The following RAPGEF2 variants were observed in gnomAD, a reference collection of about 807,000 sequenced individuals.
The protein encoded by RAPGEF2 is PDZ domain containing guanine nucleotide exchange factor (GEF) 1.
In RAPGEF2, 54 loss-of-function variants were observed where a neutral mutation model predicts 186.7. That is an observed-to-expected ratio of 0.29 (90% CI 0.23 to 0.36). The LOEUF is 0.36. Ranked by LOEUF, RAPGEF2 falls within the 10% of genes least tolerant of loss-of-function variation. RAPGEF2 has a pLI of 1.00. For synonymous variants in RAPGEF2, 712 were observed against 705.9 expected (o/e 1.01, Z -0.14); for missense variants, 1,532 against 2,045.0 (o/e 0.75, Z 4.84).
At chr4:159,160,713 C>G (rs1744619145) in intron 1 of RAPGEF2, among the ~76,000 whole-genome samples, 1 of 152,146 alleles carries the variant, frequency 6.6e-6, no homozygotes, top group African/African-American at 2.4e-5. Context: ...CTTAAAATAA[C>G]GACTCCAAAA....
chr4:159,210,650 T>TA (rs1338510136), intron 4 of RAPGEF2, 67 bp downstream of exon 4: 2 of 1,254,736 alleles, frequency 1.6e-6, no homozygotes, highest in African/African-American at 3.0e-5. Flanking sequence ...AATTCAGTTC[T>TA]AAAATTCTTT....
chr4:159,128,165 A>T (rs760021863), intron 1 of RAPGEF2, among the ~76,000 whole-genome samples: 5 of 152,196 alleles, frequency 3.3e-5, no homozygotes, highest in Non-Finnish European at 5.9e-5. Context: ...AAAATCCAAG[A>T]AGAAAAAATA....
chr4:159,338,529 G>C, intron 18 of RAPGEF2, 61 bp downstream of exon 18: 1 of 1,449,604 alleles, frequency 6.9e-7, no homozygotes, highest in Non-Finnish European at 9.5e-7. Flanking sequence ...CTAACATAAT[G>C]GTCATATTAT....
intron 1 of RAPGEF2, among the ~76,000 whole-genome samples, chr4:159,164,416 T>C (rs993496960): frequency 2.0e-5 from 3 of 151,592 alleles, no homozygotes; most frequent in Non-Finnish European, 4.4e-5. Flanking sequence ...AACGAAAATA[T>C]CTGTATTTTG....
Position 159,353,868 on chromosome 4 carries a change from A to G in RAPGEF2, c.4473A>G (p.Thr1491=). ...CCCGAGCAAGCTGGGCGTCTTCCAC[A>G]GGTTACTGGGGAGAAGACTCAGAAG... is the stretch of plus-strand genomic sequence containing the variant. The part of the protein sequence containing the change: ...AQSRASWASS[T]GYWGEDSEGD... The change falls in exon 28 of 30, where the codon ACA becomes ACG. Residue 1491 remains threonine (T), a synonymous_variant. Coordinates refer to ENST00000691494, the MANE Select transcript of RAPGEF2 (RefSeq NM_001394067.2). The surrounding 1 kb of genome is among the most constrained non-coding windows in gnomAD (Gnocchi z 4.3). 6.2e-7 allele frequency: 1 copy of G among 1,614,152 alleles called. No individual in the cohort carries two copies. Among genetic ancestry groups the G allele is most frequent in the Non-Finnish European group, 8.5e-7 (1 of 1,180,008 alleles).
chr4:159,212,073 G>A, intron 4 of RAPGEF2, among the ~76,000 whole-genome samples: 1 of 152,120 alleles, frequency 6.6e-6, no homozygotes, highest in Non-Finnish European at 1.5e-5. Context: ...AGTGGGTACA[G>A]TTATTACCTG....
chr4:159,341,642 A>G lies in RAPGEF2; in HGVS notation c.2613A>G (p.Gln871=). ...EDAQELLRES[Q]ISLLQLSTVE... ...CTCAGGAGTTGTTGAGAGAGAGTCA[A>G]ATTTCCCTCCTTCAGCTCAGCACTG... Residue 871 remains glutamine (Q), a synonymous_variant, in exon 20 of 30, where the codon CAA becomes CAG. Coordinates refer to ENST00000691494, the MANE Select transcript of RAPGEF2 (RefSeq NM_001394067.2). 3 of 1,613,922 alleles carry G rather than the reference A, an allele frequency of 1.9e-6. No homozygotes were observed. The highest frequency in any genetic ancestry group is 2.5e-6 in the Non-Finnish European group (3 of 1,179,902).
At chr4:159,352,138 T>C (rs1425249990) in intron 26 of RAPGEF2, among the ~76,000 whole-genome samples, 1 of 152,236 alleles carries the variant, frequency 6.6e-6, no homozygotes, top group Non-Finnish European at 1.5e-5. Flanking sequence ...GTTCAACCAA[T>C]ATTAATATTG....
chr4:159,259,370 G>A (rs1262331284), intron 7 of RAPGEF2, among the ~76,000 whole-genome samples: 1 of 152,200 alleles, frequency 6.6e-6, no homozygotes, highest in Non-Finnish European at 1.5e-5. Flanking sequence ...TGATGACTGA[G>A]CTATATTTGC....
Position 159,128,549 on chromosome 4 carries a change from A to AGT in RAPGEF2, c.69+24319_69+24320dup, listed in dbSNP as rs534152214. 8.5e-3 allele frequency among the ~76,000 whole-genome samples: 1,288 copies of AGT among 152,120 alleles called. 21 individuals are homozygous for AGT. The highest frequency in any genetic ancestry group is 0.029 in the African/African-American group (1,224 of 41,514). ...TTAATATTCTTAACATTTGGCTAGT[A>AGT]GTTTATTCACCCCTCTTTTTGGTGA... On this transcript the variant is annotated intron_variant, in intron 1 of 29. Transcript: ENST00000691494.
chr4:159,186,622 T>C lies in RAPGEF2; in HGVS notation c.70-20T>C, dbSNP rs1747580004. 1 of 1,325,126 alleles carries C rather than the reference T, an allele frequency of 7.5e-7. No homozygotes were observed. The highest frequency in any genetic ancestry group is 1.0e-6 in the Non-Finnish European group (1 of 985,930). The allele number at this position is 1,325,126 out of a possible 1,614,324, so 82.1% of individuals were successfully genotyped here. A position where few individuals can be genotyped will look rare whatever the true frequency, so the allele number is the denominator to read the frequency against. ...TTTTCCTGACAGGTCTAATAATTTC[T>C]ATTCTTTTCTTTGAAACAGGATCTG... On this transcript the variant is annotated intron_variant, in intron 1 of 29. Coordinates refer to ENST00000691494, the MANE Select transcript of RAPGEF2 (RefSeq NM_001394067.2).
intron 7 of RAPGEF2, among the ~76,000 whole-genome samples, chr4:159,257,711 G>A (rs1453711435): frequency 1.3e-5 from 2 of 152,134 alleles, no homozygotes; most frequent in Non-Finnish European, 2.9e-5. Context: ...CTTATGTCAG[G>A]TTTGTTGAAG....
chr4:159,350,134 T>C lies in RAPGEF2; in HGVS notation c.3713-3T>C, dbSNP rs775516835. On this transcript the variant is annotated splice_polypyrimidine_tract_variant and splice_region_variant and intron_variant, in intron 25 of 29. Coordinates refer to ENST00000691494, the MANE Select transcript of RAPGEF2 (RefSeq NM_001394067.2). ...ATTTAAGGTTTTTTTTTTTCCATTATAGGCATAAACTCTCCACAAGCTTTA... is the reference window on the plus strand; with the variant it reads ...ATTTAAGGTTTTTTTTTTTCCATTACAGGCATAAACTCTCCACAAGCTTTA... 1.3e-6 allele frequency: 2 copies of C among 1,500,906 alleles called. No homozygotes were observed. The highest frequency in any genetic ancestry group is 1.4e-5 in the African/African-American group (1 of 70,202). 93.0% of individuals were successfully genotyped at this position (1,500,906 alleles called of 1,614,324 possible).
intron 11 of RAPGEF2, among the ~76,000 whole-genome samples, chr4:159,323,932 T>A (rs1291012234): frequency 6.6e-6 from 1 of 151,114 alleles, no homozygotes; most frequent in Non-Finnish European, 1.5e-5. Context: ...ACAGAGTCTC[T>A]GTCTCCCAGG....
chr4:159,268,530 A>G (rs1284242981), intron 7 of RAPGEF2, among the ~76,000 whole-genome samples: 2 of 152,222 alleles, frequency 1.3e-5, no homozygotes, highest in Non-Finnish European at 2.9e-5. Context: ...AGTTTTCAAA[A>G]AAATGTTTTT....
chr4:159,159,777 G>GT (rs1744508719), intron 1 of RAPGEF2, among the ~76,000 whole-genome samples: 1 of 152,158 alleles, frequency 6.6e-6, no homozygotes, highest in Non-Finnish European at 1.5e-5. Flanking sequence ...AACTGACAGT[G>GT]TGAACAATAG....
chr4:159,270,302 G>C (rs191545403), intron 7 of RAPGEF2, among the ~76,000 whole-genome samples: 2 of 152,150 alleles, frequency 1.3e-5, no homozygotes, highest in Non-Finnish European at 2.9e-5. Flanking sequence ...TAAGAAAATA[G>C]TTACTCAGGC....
chr4:159,132,770 T>C (rs1741248497), intron 1 of RAPGEF2, among the ~76,000 whole-genome samples: 1 of 152,130 alleles, frequency 6.6e-6, no homozygotes, highest in South Asian at 2.1e-4. Flanking sequence ...AGTTGAAAGT[T>C]ATGTGCGTTT....
At chr4:159,209,369 A>T (rs1184504782) in intron 3 of RAPGEF2, among the ~76,000 whole-genome samples, 1 of 152,230 alleles carries the variant, frequency 6.6e-6, no homozygotes, top group East Asian at 1.9e-4. Flanking sequence ...CGATTGGCAA[A>T]ACATCCAAAA....
Sources: allele counts gnomAD v4.1 joint callset (sites outside exome capture counted in the v4.1 genomes callset), GRCh38; gene constraint gnomAD v4.1.1; non-coding constraint Gnocchi (gnomAD v3.1); transcripts MANE v1.5; gene names NCBI Gene and HGNC (gene_info 2026-07-23, HGNC 2026-07-21).